The following IMMP2L variants were observed in gnomAD, a reference collection of about 807,000 sequenced individuals.
IMMP2L encodes inner mitochondrial membrane peptidase subunit 2.
A neutral mutation model predicts 19.3 loss-of-function variants in IMMP2L; 18 were observed. The ratio of observed to expected loss-of-function variants is 0.93; its 90% CI spans 0.64 to 1.38. The LOEUF (loss-of-function observed/expected upper bound fraction) is 1.38. Ranked by LOEUF, IMMP2L falls within the 40% of genes most tolerant of loss-of-function variation. IMMP2L has a pLI of 0.00. For synonymous variants in IMMP2L, 76 were observed against 73.0 expected (o/e 1.04, Z -0.21); for missense variants, 233 against 218.2 (o/e 1.07, Z -0.43).
At position 111,222,891 on chromosome 7, in the gene IMMP2L, G is replaced by A. The variant is rs551416673; in HGVS notation, c.240-259326C>T. ...GTATACATAACAATGTCCTGATATC[G>A]GTACATATAGCAAGAATTGAAAAGA... On this transcript the variant is annotated intron_variant, in intron 3 of 5. Transcript: ENST00000405709. 2.5e-4 allele frequency among the ~76,000 whole-genome samples: 38 copies of A among 151,792 alleles called. 1 individual carries two copies. In the South Asian group the frequency reaches 5.8e-3, roughly 23 times the overall value.
intron 5 of IMMP2L, among the ~76,000 whole-genome samples, chr7:110,838,669 C>T (rs1804754345): frequency 6.6e-6 from 1 of 152,132 alleles, no homozygotes; most frequent in African/African-American, 2.4e-5. Flanking sequence ...ACAACTCAAC[C>T]TTGGCCTTCT....
At chr7:111,314,770 T>C (rs1036095525) in intron 3 of IMMP2L, among the ~76,000 whole-genome samples, 10 of 152,180 alleles carry the variant, frequency 6.6e-5, no homozygotes, top group Admixed American at 1.3e-4. Flanking sequence ...AATAACTGTG[T>C]TTTCTACAAG....
intron 3 of IMMP2L, among the ~76,000 whole-genome samples, chr7:111,113,087 T>A (rs1799435423): frequency 6.6e-6 from 1 of 152,182 alleles, no homozygotes; most frequent in South Asian, 2.1e-4. Context: ...CCTTCTACTC[T>A]GAGTTCCTTC....
chr7:111,116,944 T>A (rs1445413783), intron 3 of IMMP2L, among the ~76,000 whole-genome samples: 1 of 152,158 alleles, frequency 6.6e-6, no homozygotes, highest in East Asian at 1.9e-4. Context: ...TGAATTCACA[T>A]CTGAATTTAG....
intron 5 of IMMP2L, among the ~76,000 whole-genome samples, chr7:110,817,225 C>A (rs955394458): frequency 1.3e-5 from 2 of 152,084 alleles, no homozygotes; most frequent in African/African-American, 4.8e-5. Flanking sequence ...ATTGTCTCAG[C>A]CCAAAATCTC....
intron 3 of IMMP2L, among the ~76,000 whole-genome samples, chr7:110,963,835 G>C (rs1436100355): frequency 6.6e-6 from 1 of 151,940 alleles, no homozygotes; most frequent in Admixed American, 6.6e-5. Context: ...TTCTTATTAA[G>C]GAATAAAGTT....
intron 4 of IMMP2L, among the ~76,000 whole-genome samples, chr7:110,914,341 G>A (rs761090764): frequency 2.0e-5 from 3 of 152,202 alleles, no homozygotes; most frequent in Non-Finnish European, 2.9e-5. Flanking sequence ...TTAATTTTCA[G>A]TCAGAATTGA....
chr7:111,032,646 A>C (rs1790942726), intron 3 of IMMP2L, among the ~76,000 whole-genome samples: 1 of 151,888 alleles, frequency 6.6e-6, no homozygotes, highest in South Asian at 2.1e-4. Flanking sequence ...GTATGGTGAA[A>C]CCCCCTCCCT....
At chr7:110,718,677 G>A (rs1417425707) in intron 5 of IMMP2L, among the ~76,000 whole-genome samples, 1 of 152,080 alleles carries the variant, frequency 6.6e-6, no homozygotes, top group African/African-American at 2.4e-5. Flanking sequence ...ACAGCAAGGG[G>A]AATCAGAGGG....
chr7:110,865,920 C>A (rs1004842042), intron 5 of IMMP2L, among the ~76,000 whole-genome samples: 1 of 151,678 alleles, frequency 6.6e-6, no homozygotes, highest in Non-Finnish European at 1.5e-5. Flanking sequence ...CAAAGCAGAA[C>A]TTCTTCAGAA....
At chr7:111,003,388 T>C (rs1263713418) in intron 3 of IMMP2L, among the ~76,000 whole-genome samples, 1 of 152,200 alleles carries the variant, frequency 6.6e-6, no homozygotes, top group Non-Finnish European at 1.5e-5. Flanking sequence ...ATCATCAAAA[T>C]ATCCCTGCTG....
chr7:111,493,461 G>C (rs1395811995), intron 2 of IMMP2L, among the ~76,000 whole-genome samples: 1 of 152,094 alleles, frequency 6.6e-6, no homozygotes, highest in Non-Finnish European at 1.5e-5. Flanking sequence ...CCAGCACTTT[G>C]GGAGGCCAAG....
At chr7:111,120,970 TAA>T (rs761882241) in intron 3 of IMMP2L, among the ~76,000 whole-genome samples, 9 of 151,276 alleles carry the variant, frequency 5.9e-5, no homozygotes, top group Non-Finnish European at 1.3e-4. Context: ...TTGAAAGATT[TAA>T]AAGTTGTTTT....
chr7:111,344,537 A>G (rs192596203), intron 3 of IMMP2L, among the ~76,000 whole-genome samples: 3 of 152,314 alleles, frequency 2.0e-5, no homozygotes, highest in African/African-American at 7.2e-5. Flanking sequence ...CATGTCTGGC[A>G]TACAGTAGAA....
chr7:110,693,035 GC>G (rs1793623292), intron 5 of IMMP2L, among the ~76,000 whole-genome samples: 1 of 152,144 alleles, frequency 6.6e-6, no homozygotes. Flanking sequence ...TCCTGGTGAT[GC>G]ATCTCCATAT....
chr7:111,124,802 ATCCTCC>A, intron 3 of IMMP2L: 1 of 1,613,552 alleles, frequency 6.2e-7, no homozygotes, highest in Non-Finnish European at 8.5e-7. Context: ...GGTGAGCTTT[ATCCTCC>A]TCTGATAAAT....
At chr7:111,250,665 A>G (rs1217186775) in intron 3 of IMMP2L, among the ~76,000 whole-genome samples, 2 of 152,188 alleles carry the variant, frequency 1.3e-5, no homozygotes, top group African/African-American at 2.4e-5. Context: ...AGGATTCCCT[A>G]TTTAATAAAT....
chr7:110,764,532 C>G (rs1246480238), intron 5 of IMMP2L, among the ~76,000 whole-genome samples: 1 of 152,028 alleles, frequency 6.6e-6, no homozygotes, highest in African/African-American at 2.4e-5. Context: ...AAATAACTCA[C>G]TGGTATTAAG....
rs1302995783 is a variant in IMMP2L at position 110,901,611 on chromosome 7, C to T, written c.306-14916G>A. Among the ~76,000 whole-genome samples the T allele has an allele frequency of 3.9e-5, 6 of 152,154 alleles. No homozygotes were observed. In the South Asian group the frequency reaches 1.2e-3, roughly 32 times the overall value. ...TTCTTTTTATATTCTCCCTTGTGGACATTTTACCCATACTGATGGAAGCTT... is the reference window on the plus strand; with the variant it reads ...TTCTTTTTATATTCTCCCTTGTGGATATTTTACCCATACTGATGGAAGCTT... On this transcript the variant is annotated intron_variant, in intron 4 of 5. Coordinates refer to ENST00000405709, the MANE Select transcript of IMMP2L (RefSeq NM_032549.4).
Sources: allele counts gnomAD v4.1 joint callset (sites outside exome capture counted in the v4.1 genomes callset), GRCh38; gene constraint gnomAD v4.1.1; transcripts MANE v1.5; gene names NCBI Gene and HGNC (gene_info 2026-07-23, HGNC 2026-07-21).